NHSL1: variants seen among roughly 807,000 people sequenced by gnomAD.
The protein encoded by NHSL1 is NHS like 1, also known as NHS-like protein 1.
Under a neutral mutation model 95.0 loss-of-function variants are expected in NHSL1, and 48 were observed. The ratio of observed to expected loss-of-function variants is 0.51; its 90% CI spans 0.40 to 0.64. The LOEUF (loss-of-function observed/expected upper bound fraction) is 0.64. Ranked by LOEUF, NHSL1 falls within the 30% of genes least tolerant of loss-of-function variation. The pLI is 0.00. For missense variants in NHSL1, 1,971 were observed against 2,077.7 expected (o/e 0.95, Z 1.00); for synonymous variants, 783 against 833.9 (o/e 0.94, Z 1.05).
intron 1 of NHSL1, among the ~76,000 whole-genome samples, chr6:138,537,115 G>A (rs939562881): frequency 6.6e-6 from 1 of 152,170 alleles, no homozygotes; most frequent in Non-Finnish European, 1.5e-5. Context: ...ACAATTTTAT[G>A]AAAGGCACCA....
chr6:138,597,315 C>T (rs1258836357), intron 1 of NHSL1, among the ~76,000 whole-genome samples: 2 of 152,158 alleles, frequency 1.3e-5, no homozygotes, highest in Admixed American at 6.5e-5. Flanking sequence ...AAAGAATTTA[C>T]AGGAAATGAT....
At chr6:138,434,050 G>A (rs1290891322) in intron 5 of NHSL1, among the ~76,000 whole-genome samples, 8 of 152,266 alleles carry the variant, frequency 5.3e-5, no homozygotes, top group Middle Eastern at 3.4e-3. Context: ...TGACTGTGCA[G>A]ACCATCTATC....
At chr6:138,669,695 C>T (rs2114756133) in intron 1 of NHSL1, among the ~76,000 whole-genome samples, 1 of 152,302 alleles carries the variant, frequency 6.6e-6, no homozygotes, top group East Asian at 1.9e-4. Context: ...TAAAAAGATG[C>T]ATTCTGAATG....
intron 3 of NHSL1, among the ~76,000 whole-genome samples, chr6:138,460,738 T>C (rs984784871): frequency 2.0e-5 from 3 of 151,902 alleles, no homozygotes; most frequent in Admixed American, 1.3e-4. Context: ...TAAAATTCTC[T>C]GCTTAAAAAA....
upstream of NHSL1, chr6:138,572,626 G>A (rs1019580006): frequency 1.3e-5 from 2 of 152,160 alleles, no homozygotes; most frequent in South Asian, 2.1e-4. Flanking sequence ...TGCGAAAGAC[G>A]ATAGGCTTTC....
chr6:138,594,728 A>G (rs1171119487), intron 1 of NHSL1, among the ~76,000 whole-genome samples: 1 of 152,166 alleles, frequency 6.6e-6, no homozygotes, highest in Non-Finnish European at 1.5e-5. Flanking sequence ...CTGACAAGGA[A>G]AGGGCTACAT....
intron 3 of NHSL1, among the ~76,000 whole-genome samples, chr6:138,459,611 T>G (rs1324673839): frequency 6.6e-6 from 1 of 152,210 alleles, no homozygotes; most frequent in Non-Finnish European, 1.5e-5. Flanking sequence ...CTTGGCTACC[T>G]CTTTCCATAC....
At chr6:138,675,440 G>A (rs1218812170) in intron 1 of NHSL1, among the ~76,000 whole-genome samples, 1 of 152,128 alleles carries the variant, frequency 6.6e-6, no homozygotes, top group Non-Finnish European at 1.5e-5. Flanking sequence ...CACAGCTTAG[G>A]GAAGAGGGTG....
At chr6:138,657,941 G>A (rs1455989938) in intron 1 of NHSL1, among the ~76,000 whole-genome samples, 2 of 147,404 alleles carry the variant, frequency 1.4e-5, no homozygotes, top group Non-Finnish European at 3.0e-5. Flanking sequence ...AATATTAAAA[G>A]AAAAAACTGA....
At chr6:138,516,303 T>A (rs1781458936) in intron 1 of NHSL1, among the ~76,000 whole-genome samples, 1 of 152,200 alleles carries the variant, frequency 6.6e-6, no homozygotes, top group African/African-American at 2.4e-5. Flanking sequence ...TAACAGCTCC[T>A]TTGGCCAGCT....
chr6:138,548,225 C>A (rs1471404799), upstream of NHSL1, among the ~76,000 whole-genome samples: 1 of 152,146 alleles, frequency 6.6e-6, no homozygotes, highest in Non-Finnish European at 1.5e-5. Context: ...ACCTCGTGAT[C>A]CACCCACCTC....
At chr6:138,442,840 CT>C (rs1304982435) in intron 4 of NHSL1, among the ~76,000 whole-genome samples, 1 of 152,106 alleles carries the variant, frequency 6.6e-6, no homozygotes, top group Non-Finnish European at 1.5e-5. Context: ...CATAGGACTT[CT>C]TTTTTTCCTT....
chr6:138,680,342 G>A (rs949039187), intron 1 of NHSL1, among the ~76,000 whole-genome samples: 2 of 152,146 alleles, frequency 1.3e-5, no homozygotes, highest in Non-Finnish European at 2.9e-5. Context: ...GTACACCGCA[G>A]TCAGGTTGTT....
intron 1 of NHSL1, among the ~76,000 whole-genome samples, chr6:138,638,368 T>C (rs1209418942): frequency 1.3e-5 from 2 of 152,194 alleles, no homozygotes; most frequent in Non-Finnish European, 1.5e-5. Flanking sequence ...AAAGAATAAA[T>C]GCTTGAGGAA....
At chr6:138,649,131 T>C (rs72977124) in intron 1 of NHSL1, among the ~76,000 whole-genome samples, 2 of 152,108 alleles carry the variant, frequency 1.3e-5, no homozygotes, top group East Asian at 3.9e-4. Flanking sequence ...TTAGGGTGAG[T>C]GTCAGGCTAA....
chr6:138,591,327 G>A (rs141434944), intron 1 of NHSL1, among the ~76,000 whole-genome samples: 136 of 152,316 alleles, frequency 8.9e-4, no homozygotes, highest in African/African-American at 3.2e-3. Flanking sequence ...TTTGCTTTCT[G>A]CAGTTGAATT....
At chr6:138,525,528 AAAATAAAT>A (rs141195256) in intron 1 of NHSL1, among the ~76,000 whole-genome samples, 28,797 of 139,472 alleles carry the variant, frequency 0.21, 3,500 homozygotes, top group East Asian at 0.39. Flanking sequence ...ACCTTGTCTC[AAAATAAAT>A]AAATAAATAA....
chr6:138,516,797 G>C (rs1345624695), intron 1 of NHSL1, among the ~76,000 whole-genome samples: 2 of 152,072 alleles, frequency 1.3e-5, no homozygotes, highest in Admixed American at 1.3e-4. Flanking sequence ...ACCATGCCCG[G>C]TTAATCTTTG....
chr6:138,572,735 G>T (rs937923300), upstream of NHSL1, among the ~76,000 whole-genome samples: 1 of 152,100 alleles, frequency 6.6e-6, no homozygotes, highest in African/African-American at 2.4e-5. Context: ...CGCAGCTAGG[G>T]GTATGCAAGT....
Sources: gnomAD v4.1 joint callset for allele counts (sites outside exome capture counted in the v4.1 genomes callset) on GRCh38, gnomAD v4.1.1 for gene constraint, MANE v1.5 for transcripts, NCBI Gene and HGNC (gene_info 2026-07-23, HGNC 2026-07-21) for gene names.